Variants in MCUR1 observed in about 807,000 individuals in gnomAD.
MCUR1 encodes MCU regulator 1.
MCUR1 carries 37 observed loss-of-function variants against 42.0 expected under a neutral mutation model. The ratio of observed to expected loss-of-function variants is 0.88; its 90% CI spans 0.68 to 1.16. MCUR1 has a LOEUF of 1.16. Ranked by LOEUF, MCUR1 falls within the 50% of genes most tolerant of loss-of-function variation. The probability of loss-of-function intolerance (pLI) is 0.00; values close to 1 mark genes in which losing one functional copy is unlikely to be tolerated. For missense variants in MCUR1, 469 were observed against 468.4 expected, an observed-to-expected ratio of 1.00 and a Z score of -0.01; for synonymous variants, 229 against 196.2, an observed-to-expected ratio of 1.17 and a Z score of -1.40.
At chr6:13,799,827 C>CTTTTTTTT (rs542304036) in intron 5 of MCUR1, among the ~76,000 whole-genome samples, 2 of 96,212 alleles carry the variant, frequency 2.1e-5, no homozygotes, top group African/African-American at 3.7e-5. Context: ...ACACAATTTT[C>CTTTTTTTT]TTTTTTTTTT....
intron 1 of MCUR1, among the ~76,000 whole-genome samples, chr6:13,808,815 C>A (rs1264987967): frequency 6.6e-6 from 1 of 152,256 alleles, no homozygotes; most frequent in East Asian, 1.9e-4. Flanking sequence ...AAGCATGAGG[C>A]CTTGTGTCTG....
chr6:13,799,279 C>T (rs971914486), intron 5 of MCUR1, among the ~76,000 whole-genome samples: 1 of 151,652 alleles, frequency 6.6e-6, no homozygotes, highest in Non-Finnish European at 1.5e-5. Flanking sequence ...CTGCCTCCTG[C>T]GTTCAAGCAA....
chr6:13,794,092 T>C (rs1413592637), intron 6 of MCUR1, 145 bp from the exon 7 acceptor site: 5 of 650,814 alleles, frequency 7.7e-6, no homozygotes, highest in Non-Finnish European at 1.3e-5. Context: ...CCTACCTGCT[T>C]CTTTATATGT....
At chr6:13,811,059 T>A (rs1356563218) in intron 1 of MCUR1, among the ~76,000 whole-genome samples, 1 of 152,254 alleles carries the variant, frequency 6.6e-6, no homozygotes, top group Non-Finnish European at 1.5e-5. Context: ...CCCTTCTTCA[T>A]TAAATTGCCA....
intron 5 of MCUR1, 81 bp from the exon 6 acceptor site, chr6:13,798,985 C>G: frequency 1.2e-6 from 1 of 813,904 alleles, no homozygotes; most frequent in African/African-American, 1.7e-5. Context: ...ACTGGGACCA[C>G]TGCCCCCACT....
intron 1 of MCUR1, among the ~76,000 whole-genome samples, chr6:13,813,266 CTAAT>C (rs1229488887): frequency 6.6e-6 from 1 of 152,168 alleles, no homozygotes; most frequent in Non-Finnish European, 1.5e-5. Flanking sequence ...ATGCATGACT[CTAAT>C]TAAATGCTAC....
chr6:13,812,657 T>C (rs1032290947), intron 1 of MCUR1, among the ~76,000 whole-genome samples: 1 of 152,244 alleles, frequency 6.6e-6, no homozygotes, highest in African/African-American at 2.4e-5. Context: ...TCCTTCACTT[T>C]ATTGCTCTAC....
chr6:13,797,954 C>T (rs1341645246), intron 6 of MCUR1, among the ~76,000 whole-genome samples: 3 of 151,658 alleles, frequency 2.0e-5, no homozygotes, highest in African/African-American at 4.8e-5. Context: ...ACCCAGGAGA[C>T]GGAGGTTGCA....
chr6:13,809,967 G>T (rs1169416390), intron 1 of MCUR1, among the ~76,000 whole-genome samples: 1 of 152,012 alleles, frequency 6.6e-6, no homozygotes, highest in East Asian at 1.9e-4. Context: ...CACTTTGGGA[G>T]GCCGAGGCAG....
intron 6 of MCUR1, among the ~76,000 whole-genome samples, chr6:13,797,923 T>C (rs918295194): frequency 1.3e-5 from 2 of 150,760 alleles, no homozygotes; most frequent in Admixed American, 6.6e-5. Context: ...CTCGGGAGGC[T>C]GAGGCAGGAG....
At chr6:13,799,401 T>C (rs1163095017) in intron 5 of MCUR1, among the ~76,000 whole-genome samples, 1 of 152,164 alleles carries the variant, frequency 6.6e-6, no homozygotes, top group Non-Finnish European at 1.5e-5. Flanking sequence ...GTCAGGCTGG[T>C]GTTGAACTCC....
intron 2 of MCUR1, among the ~76,000 whole-genome samples, chr6:13,806,372 T>G (rs2113474626): frequency 6.6e-6 from 1 of 152,354 alleles, no homozygotes; most frequent in African/African-American, 2.4e-5. Flanking sequence ...TGCACAGTAA[T>G]AAAACTATCA....
chr6:13,793,214 G>A (rs1251029455), intron 7 of MCUR1, among the ~76,000 whole-genome samples: 3 of 150,558 alleles, frequency 2.0e-5, no homozygotes, highest in African/African-American at 4.9e-5. Flanking sequence ...CTTCCATTAC[G>A]ATAACCAAAC....
intron 7 of MCUR1, among the ~76,000 whole-genome samples, chr6:13,792,769 T>G (rs531923611): frequency 6.6e-6 from 1 of 151,932 alleles, no homozygotes; most frequent in African/African-American, 2.4e-5. Flanking sequence ...AAAAAAGAAA[T>G]AAATGCCTGG....
At chr6:13,801,485 C>T in intron 3 of MCUR1, 96 bp from the exon 4 acceptor site, 1 of 808,806 alleles carries the variant, frequency 1.2e-6, no homozygotes, top group South Asian at 1.6e-5. Context: ...GAAACCAGGA[C>T]AATGTGGACA....
chr6:13,792,925 T>C (rs1175375774), intron 7 of MCUR1, among the ~76,000 whole-genome samples: 2 of 151,972 alleles, frequency 1.3e-5, no homozygotes, highest in African/African-American at 4.8e-5. Flanking sequence ...ATAAGACTTC[T>C]CCATTCCTCA....
chr6:13,793,208 C>T (rs560061794), intron 7 of MCUR1, among the ~76,000 whole-genome samples: 1 of 151,650 alleles, frequency 6.6e-6, no homozygotes, highest in South Asian at 2.1e-4. Flanking sequence ...AACTATCTTC[C>T]ATTACGATAA....
intron 2 of MCUR1, among the ~76,000 whole-genome samples, chr6:13,805,034 G>A (rs1046795885): frequency 2.0e-4 from 30 of 152,104 alleles, no homozygotes; most frequent in Non-Finnish European, 3.4e-4. Flanking sequence ...ATCCATGTTG[G>A]ATTGAACAGC....
chr6:13,791,407 G>A (rs542004787), intron 8 of MCUR1, among the ~76,000 whole-genome samples: 4 of 152,214 alleles, frequency 2.6e-5, no homozygotes, highest in South Asian at 2.1e-4. Context: ...AATCCAAGAC[G>A]TTAAATCTGA....
Sources: allele counts gnomAD v4.1 joint callset (sites outside exome capture counted in the v4.1 genomes callset), GRCh38; gene constraint gnomAD v4.1.1; transcripts MANE v1.5; gene names NCBI Gene and HGNC (gene_info 2026-07-23, HGNC 2026-07-21).